Variants in FRMD6 observed in about 807,000 individuals in gnomAD.
FRMD6 encodes the protein FERM domain containing 6.
Under a neutral mutation model 73.2 loss-of-function variants are expected in FRMD6, and 37 were observed. That is an observed-to-expected ratio of 0.51 (90% CI 0.39 to 0.66). The LOEUF is 0.66. Among genes scored for constraint, FRMD6 ranks in the 30% least tolerant of loss-of-function variants. The pLI, the probability that FRMD6 is intolerant of heterozygous loss-of-function variation, is 0.00. For synonymous variants in FRMD6, 273 were observed against 282.2 expected (o/e 0.97, Z 0.33); for missense variants, 714 against 780.5 (o/e 0.91, Z 1.02).
Position 51,603,944 on chromosome 14 carries a change from C to CA in FRMD6, c.-147+33549dup, listed in dbSNP as rs34108011. ...TTCCACGGTAATTTCTCTTGTGATACAAAAAAAAAAAAAAAGTCCCTAAGA... is the reference window on the plus strand; with the variant it reads ...TTCCACGGTAATTTCTCTTGTGATACAAAAAAAAAAAAAAAAGTCCCTAAGA... On this transcript the variant is annotated intron_variant, in intron 2 of 14. Transcript: ENST00000356218. Among the ~76,000 whole-genome samples the CA allele has an allele frequency of 5.5e-3, 783 of 142,808 alleles. 5 individuals are homozygous for CA. Among genetic ancestry groups the CA allele is most frequent in the African/African-American group, 0.014 (517 of 38,288 alleles). 93.7% of individuals were successfully genotyped at this position (142,808 alleles called of 152,430 possible). A position where few individuals can be genotyped will look rare whatever the true frequency, so the allele number is the denominator to read the frequency against.
chr14:51,536,327 A>C (rs1885889542), intron 1 of FRMD6, among the ~76,000 whole-genome samples: 1 of 152,002 alleles, frequency 6.6e-6, no homozygotes, highest in Admixed American at 6.6e-5. Flanking sequence ...CCTGGCCCCA[A>C]GTGATCATTC....
the FRMD6 span, among the ~76,000 whole-genome samples, chr14:51,441,298 C>A: frequency 6.6e-6 from 1 of 152,206 alleles, no homozygotes; most frequent in Non-Finnish European, 1.5e-5. Flanking sequence ...CAGGCCCTGA[C>A]ACTTCTATCA....
chr14:51,556,014 C>G (rs1387887057), intron 1 of FRMD6, among the ~76,000 whole-genome samples: 1 of 152,140 alleles, frequency 6.6e-6, no homozygotes, highest in Admixed American at 6.5e-5. Context: ...GTCATTTGTA[C>G]CTACCTCAGC....
At chr14:51,633,224 A>T (rs938486218) in intron 2 of FRMD6, among the ~76,000 whole-genome samples, 1 of 152,056 alleles carries the variant, frequency 6.6e-6, no homozygotes, top group African/African-American at 2.4e-5. Flanking sequence ...AAATCTACCA[A>T]ATCAAACTCT....
At chr14:51,571,571 A>T (rs1888139924) in intron 2 of FRMD6, among the ~76,000 whole-genome samples, 1 of 152,202 alleles carries the variant, frequency 6.6e-6, no homozygotes, top group Non-Finnish European at 1.5e-5. Flanking sequence ...ACATATAAAG[A>T]TACTGTCGTT....
chr14:51,595,556 C>T (rs1189344004), intron 2 of FRMD6, among the ~76,000 whole-genome samples: 1 of 152,082 alleles, frequency 6.6e-6, no homozygotes, highest in Non-Finnish European at 1.5e-5. Context: ...AGAAAAAGAA[C>T]ATTTATAGGG....
intron 1 of FRMD6, among the ~76,000 whole-genome samples, chr14:51,530,276 G>A (rs944765186): frequency 2.6e-4 from 39 of 152,178 alleles, no homozygotes; most frequent in African/African-American, 8.9e-4. Context: ...TCCACTCTCC[G>A]TGGCGTCACA....
At chr14:51,604,841 G>A (rs903975280) in intron 2 of FRMD6, among the ~76,000 whole-genome samples, 1 of 152,150 alleles carries the variant, frequency 6.6e-6, no homozygotes, top group African/African-American at 2.4e-5. Flanking sequence ...AACCTCCTCA[G>A]GGGCCATGCT....
chr14:51,711,842 TTAGCCC>T (rs765850211), intron 8 of FRMD6, among the ~76,000 whole-genome samples: 33 of 152,202 alleles, frequency 2.2e-4, no homozygotes, highest in Non-Finnish European at 2.2e-4. Context: ...AAGTCAAAGA[TTAGCCC>T]AGGTTCATCA....
At chr14:51,669,710 T>C (rs1796844268) in intron 1 of FRMD6, among the ~76,000 whole-genome samples, 1 of 152,220 alleles carries the variant, frequency 6.6e-6, no homozygotes, top group African/African-American at 2.4e-5. Context: ...TCTTGAGTTG[T>C]AATATTTATA....
intron 1 of FRMD6, among the ~76,000 whole-genome samples, chr14:51,570,024 C>T (rs1160426440): frequency 1.3e-5 from 2 of 151,974 alleles, no homozygotes; most frequent in African/African-American, 4.8e-5. Flanking sequence ...ACCATGTTAG[C>T]CAGGATGGTC....
chr14:51,626,329 T>C (rs969517307), intron 2 of FRMD6, among the ~76,000 whole-genome samples: 1 of 152,146 alleles, frequency 6.6e-6, no homozygotes, highest in African/African-American at 2.4e-5. Context: ...ATAGGCAAGA[T>C]AAATATTTGT....
chr14:51,423,436 A>C, the FRMD6 span, among the ~76,000 whole-genome samples: 55 of 152,314 alleles, frequency 3.6e-4, no homozygotes, highest in African/African-American at 1.3e-3. Context: ...GTAGACTCTA[A>C]GTCTTAGGCT....
chr14:51,711,478 G>A (rs911846322), intron 7 of FRMD6, 53 bp from the exon 8 acceptor site: 1 of 1,247,760 alleles, frequency 8.0e-7, no homozygotes. Flanking sequence ...ATTGTCCACT[G>A]TAGAAAAAAT....
intron 1 of FRMD6, among the ~76,000 whole-genome samples, chr14:51,570,153 C>T (rs1888054995): frequency 6.6e-6 from 1 of 152,110 alleles, no homozygotes; most frequent in South Asian, 2.1e-4. Flanking sequence ...TTCTTTTTAA[C>T]TTGTCACATT....
intron 1 of FRMD6, among the ~76,000 whole-genome samples, chr14:51,516,361 G>A (rs1464829159): frequency 6.6e-6 from 1 of 152,204 alleles, no homozygotes; most frequent in Non-Finnish European, 1.5e-5. Context: ...AGGAAAGAGT[G>A]CAGTGATGCA....
rs956838069 is a variant in FRMD6 at position 51,729,821 on chromosome 14, C to T, written c.*1792C>T. On this transcript the variant is annotated 3_prime_UTR_variant, in exon 14 of 14. Transcript: ENST00000344768. Reference sequence around the variant, plus strand: ...ACATTGCCTTATCACGCTAGGTTCACCTGACACTTTAAAAGGAAAAAAAGT... The same window carrying T: ...ACATTGCCTTATCACGCTAGGTTCATCTGACACTTTAAAAGGAAAAAAAGT... The T allele has an allele frequency of 2.6e-5, 4 of 152,552 alleles. No individual in the cohort carries two copies. Among genetic ancestry groups the T allele is most frequent in the African/African-American group, 9.7e-5 (4 of 41,396 alleles). The allele number at this position is 152,552 out of a possible 1,614,324, so 9.4% of individuals were successfully genotyped here. A position where few individuals can be genotyped will look rare whatever the true frequency, so the allele number is the denominator to read the frequency against.
chr14:51,425,971 G>A, the FRMD6 span, among the ~76,000 whole-genome samples: 1 of 152,086 alleles, frequency 6.6e-6, no homozygotes, highest in Non-Finnish European at 1.5e-5. Flanking sequence ...CTGAATGAGT[G>A]GATGGATCTT....
intron 2 of FRMD6, among the ~76,000 whole-genome samples, chr14:51,643,120 T>C (rs1293038801): frequency 1.3e-5 from 2 of 152,332 alleles, no homozygotes; most frequent in East Asian, 3.9e-4. Context: ...TCACTACTTA[T>C]TTTCTTTAAG....
Sources: gnomAD v4.1 joint callset for allele counts (sites outside exome capture counted in the v4.1 genomes callset) on GRCh38, gnomAD v4.1.1 for gene constraint, MANE v1.5 for transcripts, NCBI Gene and HGNC (gene_info 2026-07-23, HGNC 2026-07-21) for gene names.